The following ANKRD17 variants were observed in gnomAD, a reference collection of about 807,000 sequenced individuals.
ANKRD17 encodes ankyrin repeat domain 17.
A neutral mutation model predicts 229.7 loss-of-function variants in ANKRD17; 19 were observed. That is an observed-to-expected ratio of 0.08 (90% CI 0.06 to 0.12). The LOEUF (loss-of-function observed/expected upper bound fraction) is 0.12. Among genes scored for constraint, ANKRD17 ranks in the 10% least tolerant of loss-of-function variants. ANKRD17 has a pLI of 1.00. For synonymous variants in ANKRD17, 1,112 were observed against 1,146.1 expected (o/e 0.97, Z 0.60); for missense variants, 2,176 against 3,176.8 (o/e 0.68, Z 7.57).
chr4:73,246,561 A>G (rs946704782), intron 1 of ANKRD17, among the ~76,000 whole-genome samples: 1 of 152,206 alleles, frequency 6.6e-6, no homozygotes, highest in African/African-American at 2.4e-5. Context: ...CAAAAAAAAC[A>G]AAGGTTTAGG....
rs937510793 is a variant in ANKRD17 at position 73,077,548 on chromosome 4, A to T, written c.7409-15T>A. 5 of 1,541,444 alleles carry T rather than the reference A, an allele frequency of 3.2e-6. No individual in the cohort carries two copies. The highest frequency in any genetic ancestry group is 4.4e-6 in the Non-Finnish European group (5 of 1,146,120). Reference sequence around the variant, plus strand: ...GTCTACTTTGTCTGAGGGCAAACAAAGAGGCAAAACAAAAATAGATAATAT... The same window carrying T: ...GTCTACTTTGTCTGAGGGCAAACAATGAGGCAAAACAAAAATAGATAATAT... On this transcript the variant is annotated splice_polypyrimidine_tract_variant and intron_variant, in intron 31 of 33. Coordinates refer to ENST00000358602, the MANE Select transcript of ANKRD17 (RefSeq NM_032217.5).
intron 1 of ANKRD17, among the ~76,000 whole-genome samples, chr4:73,187,868 C>A (rs1431785975): frequency 6.6e-6 from 1 of 152,148 alleles, no homozygotes; most frequent in Non-Finnish European, 1.5e-5. Flanking sequence ...AGCCTATGTT[C>A]TAGGGCAGTG....
chr4:73,130,892 T>C (rs1481907712), intron 16 of ANKRD17, among the ~76,000 whole-genome samples: 1 of 152,200 alleles, frequency 6.6e-6, no homozygotes, highest in Non-Finnish European at 1.5e-5. Flanking sequence ...AGAATTATTG[T>C]TCCACATAAA....
intron 1 of ANKRD17, among the ~76,000 whole-genome samples, chr4:73,247,916 T>G (rs912471742): frequency 2.1e-5 from 3 of 141,104 alleles, no homozygotes; most frequent in Non-Finnish European, 4.5e-5. Context: ...AGGTGATTTT[T>G]CTATTCTTTA....
intron 2 of ANKRD17, among the ~76,000 whole-genome samples, chr4:73,170,197 CAG>C (rs1192527591): frequency 2.0e-5 from 3 of 151,950 alleles, no homozygotes; most frequent in African/African-American, 7.3e-5. Flanking sequence ...GAGAAAAGAG[CAG>C]AGACAACTTG....
At chr4:73,203,484 G>A (rs564324486) in intron 1 of ANKRD17, among the ~76,000 whole-genome samples, 1 of 152,192 alleles carries the variant, frequency 6.6e-6, no homozygotes, top group Non-Finnish European at 1.5e-5. Flanking sequence ...TGGGCTGGGC[G>A]CGATGGCTCA....
intron 1 of ANKRD17, among the ~76,000 whole-genome samples, chr4:73,203,845 A>G (rs941545092): frequency 1.3e-5 from 2 of 152,048 alleles, no homozygotes; most frequent in East Asian, 3.8e-4. Context: ...CAAATCCAAT[A>G]CGTTCCACAG....
At chr4:73,242,572 T>G (rs1212093591) in intron 1 of ANKRD17, among the ~76,000 whole-genome samples, 1 of 152,190 alleles carries the variant, frequency 6.6e-6, no homozygotes, top group Non-Finnish European at 1.5e-5. Context: ...CTGAGAATAT[T>G]TCATGGTCAC....
chr4:73,132,653 G>C (rs1451856584), intron 16 of ANKRD17, among the ~76,000 whole-genome samples: 1 of 152,024 alleles, frequency 6.6e-6, no homozygotes, highest in Admixed American at 6.5e-5. Context: ...TTCTATAAAA[G>C]CATGTCTACT....
At chr4:73,155,804 A>G (rs1315863744) in intron 4 of ANKRD17, 26 bp from the exon 5 acceptor site, 5 of 1,607,700 alleles carry the variant, frequency 3.1e-6, no homozygotes, top group Non-Finnish European at 4.3e-6. Flanking sequence ...TAGTTTAAAA[A>G]GATATTAGGA....
chr4:73,181,580 C>G (rs78608102), intron 1 of ANKRD17, among the ~76,000 whole-genome samples: 1 of 152,134 alleles, frequency 6.6e-6, no homozygotes, highest in African/African-American at 2.4e-5. Context: ...GCATACACCT[C>G]TCTGCCATAC....
At chr4:73,204,699 A>T (rs1739218065) in intron 1 of ANKRD17, among the ~76,000 whole-genome samples, 1 of 152,172 alleles carries the variant, frequency 6.6e-6, no homozygotes, top group African/African-American at 2.4e-5. Flanking sequence ...CATAGGTAGA[A>T]ATAAGATACA....
chr4:73,078,970 G>A, intron 30 of ANKRD17, 80 bp from the exon 31 acceptor site: 1 of 1,416,480 alleles, frequency 7.1e-7, no homozygotes, highest in South Asian at 1.4e-5. Flanking sequence ...TTAAAACCAG[G>A]AGATGTTTTA....
chr4:73,096,442 C>T (rs577074053), intron 27 of ANKRD17, among the ~76,000 whole-genome samples: 4 of 152,056 alleles, frequency 2.6e-5, no homozygotes, highest in Admixed American at 6.5e-5. Flanking sequence ...GTCTAAAATA[C>T]GGAGGAAATA....
intron 1 of ANKRD17, among the ~76,000 whole-genome samples, chr4:73,233,956 T>C (rs1339260670): frequency 6.6e-6 from 1 of 152,156 alleles, no homozygotes; most frequent in South Asian, 2.1e-4. Context: ...TCCATTCATT[T>C]TGGTTACTAG....
chr4:73,142,547 CATT>C lies in ANKRD17; in HGVS notation c.2085+90_2085+92del. 11 of 1,593,580 alleles carry C rather than the reference CATT, an allele frequency of 6.9e-6. No individual in the cohort carries two copies. In the South Asian group the frequency reaches 1.1e-4, roughly 16 times the overall value. On this transcript the variant is annotated intron_variant, in intron 12 of 33. Transcript: ENST00000358602. ...AGGAGAAAATTTACACTTAGAATGCCATTATGAATGGAACTTGTACATGATATG... is the reference window on the plus strand; with the variant it reads ...AGGAGAAAATTTACACTTAGAATGCCATGAATGGAACTTGTACATGATATG...
intron 1 of ANKRD17, among the ~76,000 whole-genome samples, chr4:73,214,847 TAAAAAAAAAAAA>T (rs766995925): frequency 5.8e-5 from 5 of 85,596 alleles, no homozygotes; most frequent in African/African-American, 2.2e-4. Context: ...TCGTCTCTAT[TAAAAAAAAAAAA>T]AAAAAAAAAG....
At chr4:73,180,490 T>C (rs898929690) in intron 1 of ANKRD17, among the ~76,000 whole-genome samples, 43 of 152,174 alleles carry the variant, frequency 2.8e-4, no homozygotes, top group African/African-American at 1.0e-3. Context: ...CATCTCTTGA[T>C]GAGATATAAT....
intron 1 of ANKRD17, among the ~76,000 whole-genome samples, chr4:73,221,592 A>G (rs1417462406): frequency 6.6e-6 from 1 of 152,186 alleles, no homozygotes; most frequent in Non-Finnish European, 1.5e-5. Flanking sequence ...TTTAAACTGA[A>G]CCACTAAAAA....
Sources: gnomAD v4.1 joint callset for allele counts (sites outside exome capture counted in the v4.1 genomes callset) on GRCh38, gnomAD v4.1.1 for gene constraint, MANE v1.5 for transcripts, NCBI Gene and HGNC (gene_info 2026-07-23, HGNC 2026-07-21) for gene names.